Variants in DLGAP2 observed in about 807,000 individuals in gnomAD.
The protein encoded by DLGAP2 is disks large-associated protein 2.
In DLGAP2, 26 loss-of-function variants were observed where a neutral mutation model predicts 100.3. The ratio of observed to expected loss-of-function variants is 0.26; its 90% confidence interval spans 0.19 to 0.36. The LOEUF is 0.36. DLGAP2 is among the 10% of genes least tolerant of loss of function. DLGAP2 has a pLI of 1.00. For missense variants in DLGAP2, 1,858 were observed against 1,453.2 expected (o/e 1.28, Z -4.53); for synonymous variants, 886 against 630.1 (o/e 1.41, Z -6.08).
At chr8:805,719 G>A (rs570607522) in intron 1 of DLGAP2, among the ~76,000 whole-genome samples, 2 of 152,104 alleles carry the variant, frequency 1.3e-5, no homozygotes, top group Non-Finnish European at 2.9e-5. Flanking sequence ...TCCCTTCTCA[G>A]CCTCCTGAGT....
At chr8:1,029,451 G>A (rs547053527) in intron 2 of DLGAP2, among the ~76,000 whole-genome samples, 21 of 152,242 alleles carry the variant, frequency 1.4e-4, no homozygotes, top group Admixed American at 2.6e-4. Context: ...GTTCTGGTGG[G>A]ATGGCCAACG....
chr8:1,190,892 C>T (rs13277918), intron 2 of DLGAP2, among the ~76,000 whole-genome samples: 65,969 of 151,936 alleles, frequency 0.43, 14,456 homozygotes, highest in Non-Finnish European at 0.46. Flanking sequence ...GTTCAGTGCA[C>T]GGGGCGTGTT....
intron 1 of DLGAP2, among the ~76,000 whole-genome samples, chr8:854,309 G>C (rs182064292): frequency 2.6e-5 from 4 of 152,120 alleles, no homozygotes; most frequent in African/African-American, 9.7e-5. Flanking sequence ...CTGCTGAGTG[G>C]GGGCCTTCAG....
intron 8 of DLGAP2, among the ~76,000 whole-genome samples, chr8:1,641,663 A>G (rs1383302181): frequency 6.6e-6 from 1 of 152,160 alleles, no homozygotes; most frequent in Non-Finnish European, 1.5e-5. Flanking sequence ...TCAGAAGTCC[A>G]GTGAGGACTT....
intron 4 of DLGAP2, among the ~76,000 whole-genome samples, chr8:1,546,957 C>A (rs946136508): frequency 6.6e-6 from 1 of 152,146 alleles, no homozygotes; most frequent in East Asian, 1.9e-4. Context: ...GCTCAGCCGT[C>A]GAGGTGGCCA....
intron 8 of DLGAP2, among the ~76,000 whole-genome samples, chr8:1,637,486 C>G (rs1246703793): frequency 6.6e-6 from 1 of 151,964 alleles, no homozygotes; most frequent in Non-Finnish European, 1.5e-5. Context: ...CTGCGAGGAC[C>G]AGCCTGCACA....
At chr8:1,048,847 A>C (rs1157532373) in intron 2 of DLGAP2, among the ~76,000 whole-genome samples, 1 of 152,058 alleles carries the variant, frequency 6.6e-6, no homozygotes, top group Non-Finnish European at 1.5e-5. Flanking sequence ...TTCTCCTGGT[A>C]CACTCTGACT....
chr8:1,370,041 G>T (rs750854368), intron 3 of DLGAP2, among the ~76,000 whole-genome samples: 4 of 152,106 alleles, frequency 2.6e-5, no homozygotes, highest in Non-Finnish European at 5.9e-5. Flanking sequence ...CCCCAGTTGC[G>T]GTCCAGCCCC....
At chr8:1,143,224 A>G (rs769044751) in intron 2 of DLGAP2, among the ~76,000 whole-genome samples, 1 of 152,208 alleles carries the variant, frequency 6.6e-6, no homozygotes, top group Non-Finnish European at 1.5e-5. Context: ...ATGAAAACAC[A>G]TACAATGTGC....
At chr8:897,732 C>T (rs777723742) in intron 1 of DLGAP2, among the ~76,000 whole-genome samples, 2 of 151,968 alleles carry the variant, frequency 1.3e-5, no homozygotes, top group African/African-American at 4.8e-5. Flanking sequence ...TCCTGAGTTT[C>T]GGGTGAGCCA....
At chr8:1,689,243 G>A (rs1450921466) in intron 12 of DLGAP2, among the ~76,000 whole-genome samples, 1 of 152,158 alleles carries the variant, frequency 6.6e-6, no homozygotes, top group African/African-American at 2.4e-5. Context: ...AGAAAGAAAC[G>A]GACTTTCTGG....
At chr8:1,662,583 A>T (rs1041605258) in intron 8 of DLGAP2, among the ~76,000 whole-genome samples, 1 of 152,266 alleles carries the variant, frequency 6.6e-6, no homozygotes, top group African/African-American at 2.4e-5. Flanking sequence ...CTGGAGAAGC[A>T]TCTGAATCTC....
At chr8:1,674,895 G>A (rs1324577833) in intron 10 of DLGAP2, among the ~76,000 whole-genome samples, 1 of 152,218 alleles carries the variant, frequency 6.6e-6, no homozygotes, top group Non-Finnish European at 1.5e-5. Context: ...AATTTTAAAT[G>A]TATTAATTGT....
chr8:1,549,154 A>C lies in DLGAP2; in HGVS notation c.701A>C (p.His234Pro). ...ESPGRIRHLV[H>P]SVQKLFTKSH... ...CCCGGGCGGATCCGCCACCTGGTAC[A>C]CTCCGTGCAGAAGCTCTTCACCAAG... Residue 234 changes from histidine to proline, a missense_variant, in exon 5 of 15, where the codon CAC becomes CCC. Transcript: ENST00000637795. The C allele has an allele frequency of 6.3e-7, 1 of 1,595,672 alleles. No individual in the cohort carries two copies. Among genetic ancestry groups the C allele is most frequent in the Non-Finnish European group, 8.5e-7 (1 of 1,172,402 alleles).
chr8:1,441,603 G>A lies in DLGAP2; in HGVS notation c.107-59763G>A, dbSNP rs546424850. ...CTCAGGAGGCTGAGGCAGGAGAATC[G>A]CTTGAGCCCAGGAGGCGGAGGTTGC... is the stretch of plus-strand genomic sequence containing the variant. On this transcript the variant is annotated intron_variant, in intron 3 of 14. Transcript: ENST00000637795. Among the ~76,000 whole-genome samples, 8 of 150,456 alleles carry A rather than the reference G, an allele frequency of 5.3e-5. No individual in the cohort carries two copies. The South Asian group carries it at 1.5e-3, about 28-fold the overall frequency.
At position 737,777 on chromosome 8, in the gene DLGAP2, C is replaced by T. The variant is rs1055203048; in HGVS notation, c.-31C>T. ...AGGAGGGGCCGCTTCGCCATGTCGC[C>T]CCGCACCTGCTGAGCCCGGAGCGTC... is the stretch of plus-strand genomic sequence containing the variant. On this transcript the variant is annotated 5_prime_UTR_variant, in exon 1 of 15. Transcript: ENST00000637795. 3 of 378,306 alleles carry T rather than the reference C, an allele frequency of 7.9e-6. No individual in the cohort carries two copies. The highest frequency in any genetic ancestry group is 4.2e-5 in the African/African-American group (2 of 47,636). 23.4% of individuals were successfully genotyped at this position (378,306 alleles called of 1,614,324 possible).
At chr8:1,110,913 T>G (rs1031123008) in intron 2 of DLGAP2, among the ~76,000 whole-genome samples, 2 of 151,808 alleles carry the variant, frequency 1.3e-5, no homozygotes, top group African/African-American at 4.8e-5. Flanking sequence ...GGATGGTGCT[T>G]TTGGGGGTTT....
At chr8:1,667,284 G>A (rs1798568278) in intron 8 of DLGAP2, among the ~76,000 whole-genome samples, 1 of 152,156 alleles carries the variant, frequency 6.6e-6, no homozygotes, top group Non-Finnish European at 1.5e-5. Context: ...TGCATTTTTG[G>A]TAGGTTCTAA....
At chr8:947,886 C>G (rs796158173) in intron 2 of DLGAP2, among the ~76,000 whole-genome samples, 2 of 148,726 alleles carry the variant, frequency 1.3e-5, no homozygotes, top group Non-Finnish European at 3.0e-5. Flanking sequence ...TGTGCCAGCC[C>G]GTGTGGGCCA....
Sources: allele counts gnomAD v4.1 joint callset (sites outside exome capture counted in the v4.1 genomes callset), GRCh38; gene constraint gnomAD v4.1.1; transcripts MANE v1.5; gene names NCBI Gene and HGNC (gene_info 2026-07-23, HGNC 2026-07-21).